FRMD3: variants seen among roughly 807,000 people sequenced by gnomAD.
The protein encoded by FRMD3 is FERM domain containing 3, also known as FERM domain-containing protein 3.
FRMD3 carries 33 observed loss-of-function variants against 70.2 expected under a neutral mutation model. That is an observed-to-expected ratio of 0.47 (90% confidence interval 0.36 to 0.63). The LOEUF (loss-of-function observed/expected upper bound fraction) is 0.63. FRMD3 is among the 20% of genes least tolerant of loss of function. The pLI, the probability that FRMD3 is intolerant of heterozygous loss-of-function variation, is 0.00. For missense variants in FRMD3, 632 were observed against 711.4 expected (o/e 0.89, Z 1.27); for synonymous variants, 279 against 255.9 (o/e 1.09, Z -0.86).
intron 1 of FRMD3, 152 bp from the exon 2 acceptor site, chr9:83,389,860 A>C (rs923573894): frequency 1.6e-6 from 1 of 611,320 alleles, no homozygotes; most frequent in African/African-American, 1.8e-5. Flanking sequence ...TCTTTTAACC[A>C]CAAATCCTCA....
At chr9:83,361,388 TATG>T (rs1824579196) in intron 3 of FRMD3, among the ~76,000 whole-genome samples, 1 of 152,204 alleles carries the variant, frequency 6.6e-6, no homozygotes, top group African/African-American at 2.4e-5. Context: ...TGCTGGAGAT[TATG>T]ATTAGACAAG....
intron 3 of FRMD3, among the ~76,000 whole-genome samples, chr9:83,357,237 TAATACA>T (rs1824391663): frequency 9.1e-5 from 1 of 10,938 alleles, no homozygotes; most frequent in Non-Finnish European, 1.6e-4. Flanking sequence ...TATATATATA[TAATACA>T]TACATATATA....
intron 1 of FRMD3, among the ~76,000 whole-genome samples, chr9:83,437,485 C>A (rs1453812105): frequency 2.0e-5 from 3 of 152,132 alleles, no homozygotes; most frequent in African/African-American, 4.8e-5. Context: ...GAAAATTACA[C>A]CTTGAGATTT....
intron 1 of FRMD3, among the ~76,000 whole-genome samples, chr9:83,462,722 T>C (rs1324823449): frequency 6.6e-6 from 1 of 152,188 alleles, no homozygotes; most frequent in African/African-American, 2.4e-5. Flanking sequence ...AGAGCTGCCA[T>C]CTTCCAGCAA....
chr9:83,520,255 C>T (rs1455126538), intron 1 of FRMD3, among the ~76,000 whole-genome samples: 1 of 152,202 alleles, frequency 6.6e-6, no homozygotes, highest in Non-Finnish European at 1.5e-5. Flanking sequence ...GAGAAACATG[C>T]AGGCATTGGA....
intron 3 of FRMD3, among the ~76,000 whole-genome samples, chr9:83,371,966 C>G (rs1423513313): frequency 1.3e-5 from 2 of 152,192 alleles, no homozygotes; most frequent in Non-Finnish European, 2.9e-5. Flanking sequence ...TTCCTTCTTT[C>G]ACCTGAAAAC....
rs1400009386 is a variant in FRMD3 at position 83,245,821 on chromosome 9, A to C, written c.*2097T>G. 1.0e-6 allele frequency: 1 copy of C among 985,350 alleles called. No homozygotes were observed. 61.0% of individuals were successfully genotyped at this position (985,350 alleles called of 1,614,324 possible). A position where few individuals can be genotyped will look rare whatever the true frequency, so the allele number is the denominator to read the frequency against. On this transcript the variant is annotated 3_prime_UTR_variant, in exon 14 of 14. Coordinates refer to ENST00000304195, the MANE Select transcript of FRMD3 (RefSeq NM_174938.6). ...AAGGATGACTTAGAAGTCGTATGAG[A>C]AAAGAAGGAGAAAAACACAAATTTC...
At chr9:83,570,452 A>G in the FRMD3 span, among the ~76,000 whole-genome samples, 1 of 152,204 alleles carries the variant, frequency 6.6e-6, no homozygotes, top group Admixed American at 6.5e-5. Flanking sequence ...TTGGTTTTCT[A>G]CTGTTGCATA....
intron 6 of FRMD3, among the ~76,000 whole-genome samples, chr9:83,318,119 G>A (rs1165176485): frequency 6.6e-6 from 1 of 152,064 alleles, no homozygotes; most frequent in Non-Finnish European, 1.5e-5. Flanking sequence ...AATTTTTAAT[G>A]TCTATTTTCT....
chr9:83,340,435 G>A (rs533235787), intron 5 of FRMD3, among the ~76,000 whole-genome samples: 3 of 152,188 alleles, frequency 2.0e-5, no homozygotes, highest in Non-Finnish European at 4.4e-5. Context: ...AAAGAATGAC[G>A]TGCAGGAGGG....
intron 6 of FRMD3, 54 bp from the exon 7 acceptor site, chr9:83,313,801 C>A: frequency 7.7e-7 from 1 of 1,303,216 alleles, no homozygotes; most frequent in Non-Finnish European, 1.1e-6. Flanking sequence ...AATAGAAACT[C>A]GGAATCCCTT....
At chr9:83,373,172 G>A (rs1825035564) in intron 2 of FRMD3, among the ~76,000 whole-genome samples, 1 of 152,188 alleles carries the variant, frequency 6.6e-6, no homozygotes, top group South Asian at 2.1e-4. Flanking sequence ...AGTAATATGT[G>A]AGTCAGACAG....
chr9:83,444,936 C>T (rs1278809574), intron 1 of FRMD3, among the ~76,000 whole-genome samples: 1 of 152,202 alleles, frequency 6.6e-6, no homozygotes, highest in Non-Finnish European at 1.5e-5. Flanking sequence ...GTCATACAGC[C>T]TCAATACCTG....
At chr9:83,464,323 C>T (rs774232284) in intron 1 of FRMD3, among the ~76,000 whole-genome samples, 3 of 152,248 alleles carry the variant, frequency 2.0e-5, no homozygotes, top group South Asian at 2.1e-4. Context: ...TACCAGCAGT[C>T]GCCTCCAGAT....
intron 13 of FRMD3, among the ~76,000 whole-genome samples, chr9:83,250,207 C>T (rs1383314012): frequency 6.6e-6 from 1 of 152,080 alleles, no homozygotes; most frequent in African/African-American, 2.4e-5. Context: ...GAGACCCCAC[C>T]CCGACCCCCA....
intron 1 of FRMD3, among the ~76,000 whole-genome samples, chr9:83,491,160 A>G (rs1292392802): frequency 6.6e-6 from 1 of 152,082 alleles, no homozygotes. Context: ...CAGAAATGCA[A>G]TTTCACCCAC....
chr9:83,581,879 C>T, the FRMD3 span, among the ~76,000 whole-genome samples: 4 of 152,000 alleles, frequency 2.6e-5, no homozygotes, highest in African/African-American at 7.3e-5. Flanking sequence ...CCAAAATAGC[C>T]GGCAGAGTGG....
chr9:83,429,180 C>T (rs1186570528), intron 1 of FRMD3, among the ~76,000 whole-genome samples: 2 of 152,138 alleles, frequency 1.3e-5, no homozygotes, highest in Non-Finnish European at 1.5e-5. Flanking sequence ...CGTAGTCATG[C>T]CATAGCAAGT....
rs190143807 is a variant in FRMD3 at position 83,455,122 on chromosome 9, T to C, written c.148-65414A>G. On this transcript the variant is annotated intron_variant, in intron 1 of 13. Coordinates refer to ENST00000304195, the MANE Select transcript of FRMD3 (RefSeq NM_174938.6). ...ATATGCAAGAAGATATAAAGAAAAA[T>C]GTAACAAACAATCATGTACCCATCC... Among the ~76,000 whole-genome samples the C allele has an allele frequency of 5.4e-4, 82 of 152,280 alleles. 2 individuals are homozygous for C. In the East Asian group the frequency reaches 0.015, roughly 28 times the overall value.
Sources: allele counts gnomAD v4.1 joint callset (sites outside exome capture counted in the v4.1 genomes callset), GRCh38; gene constraint gnomAD v4.1.1; transcripts MANE v1.5; gene names NCBI Gene and HGNC (gene_info 2026-07-23, HGNC 2026-07-21).